The following FOXN3 variants were observed in gnomAD, a reference collection of about 807,000 sequenced individuals.
The protein encoded by FOXN3 is forkhead box protein N3.
A neutral mutation model predicts 38.4 loss-of-function variants in FOXN3; 7 were observed. The ratio of observed to expected loss-of-function variants is 0.18; its 90% CI spans 0.10 to 0.34. FOXN3 has a LOEUF of 0.34. Ranked by LOEUF, FOXN3 falls within the 10% of genes least tolerant of loss-of-function variation. FOXN3 has a pLI of 1.00. For synonymous variants in FOXN3, 230 were observed against 242.2 expected (o/e 0.95, Z 0.47); for missense variants, 456 against 613.4 (o/e 0.74, Z 2.71).
intron 1 of FOXN3, among the ~76,000 whole-genome samples, chr14:89,461,115 C>T (rs570270523): frequency 5.3e-5 from 8 of 152,012 alleles, no homozygotes; most frequent in African/African-American, 1.2e-4. Context: ...AGGCGGATCA[C>T]GAGGTCAAGA....
chr14:89,249,592 C>T (rs1885393168), intron 4 of FOXN3, among the ~76,000 whole-genome samples: 1 of 152,218 alleles, frequency 6.6e-6, no homozygotes, highest in African/African-American at 2.4e-5. Context: ...GGGATAATTA[C>T]TACACCATTC....
At chr14:89,314,970 C>T (rs902369340) in intron 3 of FOXN3, among the ~76,000 whole-genome samples, 2 of 152,092 alleles carry the variant, frequency 1.3e-5, no homozygotes, top group Non-Finnish European at 2.9e-5. Flanking sequence ...TTACTCTTCA[C>T]GGCTTGCAAT....
At chr14:89,563,997 C>T (rs184563650) in intron 1 of FOXN3, among the ~76,000 whole-genome samples, 2 of 152,226 alleles carry the variant, frequency 1.3e-5, no homozygotes, top group East Asian at 3.9e-4. Context: ...TTACAGGCGC[C>T]TGCCACCACA....
At chr14:89,537,971 CCA>C (rs1466263592) in intron 1 of FOXN3, among the ~76,000 whole-genome samples, 2 of 152,152 alleles carry the variant, frequency 1.3e-5, no homozygotes, top group East Asian at 3.9e-4. Flanking sequence ...ATACCATACA[CCA>C]CAGTTTATTA....
At chr14:89,299,218 G>A (rs1454280041) in intron 3 of FOXN3, among the ~76,000 whole-genome samples, 2 of 152,216 alleles carry the variant, frequency 1.3e-5, no homozygotes, top group African/African-American at 4.8e-5. Context: ...GTGGGGCCAG[G>A]TGGAGAGATT....
Position 89,164,567 on chromosome 14 carries a change from TG to T in FOXN3, c.852-1599del, listed in dbSNP as rs1266664723. ...AGAGCTAGCTCCATGAGACAGGGTGTGGTTACTGCTAGGCCCCCAGTGGCTA... is the reference window on the plus strand; with the variant it reads ...AGAGCTAGCTCCATGAGACAGGGTGTGTTACTGCTAGGCCCCCAGTGGCTA... On this transcript the variant is annotated intron_variant, in intron 5 of 5. Transcript: ENST00000557258. The surrounding 1 kb of genome is among the most constrained non-coding windows in gnomAD (Gnocchi z 4.3). Among the ~76,000 whole-genome samples, 4 of 152,150 alleles carry T rather than the reference TG, an allele frequency of 2.6e-5. No homozygotes were observed. Among genetic ancestry groups the T allele is most frequent in the African/African-American group, 9.7e-5 (4 of 41,426 alleles).
intron 1 of FOXN3, among the ~76,000 whole-genome samples, chr14:89,553,266 A>G (rs1320659472): frequency 6.9e-6 from 1 of 145,098 alleles, no homozygotes; most frequent in Non-Finnish European, 1.5e-5. Flanking sequence ...AAAAAAGACA[A>G]TTGTCAAGAA....
At chr14:89,275,498 G>C (rs112111109) in intron 4 of FOXN3, among the ~76,000 whole-genome samples, 2 of 152,212 alleles carry the variant, frequency 1.3e-5, no homozygotes, top group African/African-American at 2.4e-5. Flanking sequence ...AGTTTACCAA[G>C]TGAAGGGTTG....
In FOXN3 at chr14:89,529,852, G is replaced by A. The variant is rs530314357; in HGVS notation, c.-15+89176C>T. Among the ~76,000 whole-genome samples, 14 of 152,172 alleles carry A rather than the reference G, an allele frequency of 9.2e-5. 1 individual carries two copies. The South Asian group carries it at 2.5e-3, about 27-fold the overall frequency. ...GCCCAGGAGTATGTGAAGTTGCAGC[G>A]AGCTATGAGTGCACCACTGCACTCC... is the stretch of plus-strand genomic sequence containing the variant. On this transcript the variant is annotated intron_variant, in intron 1 of 6. Transcript: ENST00000345097.
At chr14:89,511,203 T>TTTCTTTTCTTTCTTTCTTTTC (rs1309344887) in intron 1 of FOXN3, among the ~76,000 whole-genome samples, 1 of 14,972 alleles carries the variant, frequency 6.7e-5, no homozygotes, top group African/African-American at 1.1e-4. Flanking sequence ...TCTTTCTTTC[T>TTTCTTTTCTTTCTTTCTTTTC]TTTCTTTCTT....
chr14:89,538,537 A>G (rs1194850787), intron 1 of FOXN3, among the ~76,000 whole-genome samples: 2 of 152,098 alleles, frequency 1.3e-5, no homozygotes, highest in Non-Finnish European at 2.9e-5. Flanking sequence ...TTCTTTTTTA[A>G]GATGGAGTTT....
chr14:89,218,233 A>G (rs1235500835), intron 4 of FOXN3, among the ~76,000 whole-genome samples: 2 of 152,234 alleles, frequency 1.3e-5, no homozygotes. Flanking sequence ...GACTGGTCCT[A>G]GACTTGCCTT....
intron 1 of FOXN3, among the ~76,000 whole-genome samples, chr14:89,455,512 G>C (rs76639450): frequency 3.2e-4 from 49 of 152,304 alleles, no homozygotes; most frequent in African/African-American, 1.2e-3. Flanking sequence ...TCAGTTCCAC[G>C]CAAGTTCCAC....
intron 1 of FOXN3, among the ~76,000 whole-genome samples, chr14:89,553,961 A>T (rs1010517672): frequency 6.6e-6 from 1 of 152,204 alleles, no homozygotes; most frequent in South Asian, 2.1e-4. Context: ...AAGAAAAAAA[A>T]GATACTAATT....
intron 1 of FOXN3, among the ~76,000 whole-genome samples, chr14:89,443,886 G>C (rs754372020): frequency 6.6e-6 from 1 of 151,592 alleles, no homozygotes. Context: ...GTGCATGCCT[G>C]TAATCCCAGC....
intron 3 of FOXN3, among the ~76,000 whole-genome samples, chr14:89,320,528 G>A (rs574547230): frequency 2.6e-4 from 40 of 152,140 alleles, no homozygotes; most frequent in Non-Finnish European, 5.3e-4. Context: ...ACATAACCTG[G>A]TATCCTCTTG....
chr14:89,277,587 G>A (rs1886337129), intron 4 of FOXN3, among the ~76,000 whole-genome samples: 1 of 152,094 alleles, frequency 6.6e-6, no homozygotes, highest in Non-Finnish European at 1.5e-5. Flanking sequence ...TCTTGCCAGT[G>A]ATTCTGAACC....
intron 4 of FOXN3, among the ~76,000 whole-genome samples, chr14:89,203,143 T>C (rs1348319124): frequency 1.3e-5 from 2 of 151,860 alleles, no homozygotes; most frequent in Non-Finnish European, 2.9e-5. Flanking sequence ...ATAATTCAAC[T>C]ATTTACAGCC....
chr14:89,257,212 C>T (rs1344312973), intron 4 of FOXN3, among the ~76,000 whole-genome samples: 1 of 152,180 alleles, frequency 6.6e-6, no homozygotes, highest in African/African-American at 2.4e-5. Flanking sequence ...CTGAGTCCCA[C>T]CACCTTCCAT....
Sources: allele counts gnomAD v4.1 joint callset (sites outside exome capture counted in the v4.1 genomes callset), GRCh38; gene constraint gnomAD v4.1.1; non-coding constraint Gnocchi (gnomAD v3.1); transcripts MANE v1.5; gene names NCBI Gene and HGNC (gene_info 2026-07-23, HGNC 2026-07-21).